BPTF: variants seen among roughly 807,000 people sequenced by gnomAD.
The protein encoded by BPTF is bromodomain PHD finger transcription factor, also known as nucleosome-remodeling factor subunit BPTF.
A neutral mutation model predicts 292.5 loss-of-function variants in BPTF; 18 were observed. The observed-to-expected ratio is 0.06, with a 90% CI of 0.04 to 0.09. BPTF has a LOEUF of 0.09. BPTF is among the 10% of genes least tolerant of loss of function. The pLI, the probability that BPTF is intolerant of heterozygous loss-of-function variation, is 1.00. For missense variants in BPTF, 2,726 were observed against 3,498.7 expected, an observed-to-expected ratio of 0.78 and a Z score of 5.57; for synonymous variants, 1,225 against 1,251.9, an observed-to-expected ratio of 0.98 and a Z score of 0.45.
intron 1 of BPTF, among the ~76,000 whole-genome samples, chr17:67,832,897 C>T (rs920097957): frequency 1.3e-5 from 2 of 149,186 alleles, no homozygotes; most frequent in African/African-American, 5.0e-5. Context: ...AAGCGATTCT[C>T]CTGCCTCAGC....
intron 18 of BPTF, among the ~76,000 whole-genome samples, chr17:67,939,836 C>T (rs566958531): frequency 2.6e-5 from 4 of 152,284 alleles, no homozygotes; most frequent in South Asian, 2.1e-4. Context: ...GCCAAGATCA[C>T]GCCACCGCAC....
At chr17:67,856,857 G>C (rs1044061076) in intron 2 of BPTF, among the ~76,000 whole-genome samples, 6 of 152,270 alleles carry the variant, frequency 3.9e-5, no homozygotes, top group Middle Eastern at 3.4e-3. Flanking sequence ...CGTGGTTTCT[G>C]CCAGTCCAGG....
intron 4 of BPTF, among the ~76,000 whole-genome samples, chr17:67,877,774 A>G (rs1031965649): frequency 3.3e-5 from 5 of 152,146 alleles, no homozygotes; most frequent in African/African-American, 1.2e-4. Flanking sequence ...GTGCACCACC[A>G]TGCCCAGCTT....
At chr17:67,869,059 C>T (rs1024146581) in intron 3 of BPTF, among the ~76,000 whole-genome samples, 5 of 150,884 alleles carry the variant, frequency 3.3e-5, no homozygotes, top group African/African-American at 1.2e-4. Context: ...GTCTTACTCT[C>T]CCCCCATATA....
At chr17:67,908,820 C>T (rs1023988471) in intron 9 of BPTF, among the ~76,000 whole-genome samples, 1 of 141,364 alleles carries the variant, frequency 7.1e-6, no homozygotes, top group Non-Finnish European at 1.5e-5. Flanking sequence ...TCAGTTGTCA[C>T]TGACAATTTT....
chr17:67,946,334 AT>A lies in BPTF; in HGVS notation c.7617+11del. On this transcript the variant is annotated intron_variant, in intron 21 of 27. Coordinates refer to ENST00000306378, the MANE Select transcript of BPTF (RefSeq NM_182641.4). ...AAATCATTCAGAAACAGGTAAAGTT[AT>A]TAAGTAAAAGCAGCATGTTCAGTAG... The A allele has an allele frequency of 6.2e-7, 1 of 1,611,964 alleles. No homozygotes were observed. Among genetic ancestry groups the A allele is most frequent in the East Asian group, 2.2e-5 (1 of 44,872 alleles).
chr17:67,845,207 C>G (rs2057944432), intron 1 of BPTF, among the ~76,000 whole-genome samples: 1 of 152,142 alleles, frequency 6.6e-6, no homozygotes, highest in African/African-American at 2.4e-5. Context: ...AGAATCATCC[C>G]TGTAAAGGTA....
chr17:67,930,132 A>G (rs1195216684), intron 17 of BPTF, among the ~76,000 whole-genome samples: 1 of 148,920 alleles, frequency 6.7e-6, no homozygotes, highest in Non-Finnish European at 1.5e-5. Context: ...AAAAAAAAAA[A>G]AATTAAAAAG....
chr17:67,960,985 A>T (rs1413131850), intron 24 of BPTF, among the ~76,000 whole-genome samples: 1 of 152,252 alleles, frequency 6.6e-6, no homozygotes, highest in Non-Finnish European at 1.5e-5. Context: ...TAATGTAAAC[A>T]GTAGAACGTG....
chr17:67,833,647 C>G (rs991920678), intron 1 of BPTF, among the ~76,000 whole-genome samples: 3 of 151,578 alleles, frequency 2.0e-5, no homozygotes, highest in African/African-American at 7.3e-5. Flanking sequence ...TGGCTCACTG[C>G]AACCTCTGCC....
At chr17:67,917,133 T>TGTCC (rs796889971) in intron 11 of BPTF, among the ~76,000 whole-genome samples, 2 of 123,170 alleles carry the variant, frequency 1.6e-5, no homozygotes, top group African/African-American at 5.8e-5. Context: ...GTATTGTCCT[T>TGTCC]TTTTTTTTTT....
In BPTF at chr17:67,879,800, G is replaced by T. The variant is rs574799393; in HGVS notation, c.1864+4780G>T. 2.6e-5 allele frequency among the ~76,000 whole-genome samples: 4 copies of T among 152,222 alleles called. No homozygotes were observed. In the South Asian group the frequency reaches 8.3e-4, roughly 32 times the overall value. ...CAGATGACAGGCTCTTTTTCTAACA[G>T]TCAGCTCTAGTGGGAACTAATAGTG... On this transcript the variant is annotated intron_variant, in intron 4 of 27. Coordinates refer to ENST00000306378, the MANE Select transcript of BPTF (RefSeq NM_182641.4).
intron 9 of BPTF, among the ~76,000 whole-genome samples, chr17:67,908,964 A>G (rs575896681): frequency 2.0e-5 from 3 of 150,186 alleles, no homozygotes; most frequent in East Asian, 4.0e-4. Context: ...CCTCCTGAGT[A>G]GCTGAGATCA....
intron 11 of BPTF, among the ~76,000 whole-genome samples, chr17:67,918,249 T>C (rs998241960): frequency 6.6e-6 from 1 of 152,230 alleles, no homozygotes; most frequent in African/African-American, 2.4e-5. Flanking sequence ...TTTTATTCTT[T>C]TAGAAAATTT....
chr17:67,838,621 T>C (rs2052187), intron 1 of BPTF, among the ~76,000 whole-genome samples: 50,957 of 151,998 alleles, frequency 0.34, 10,709 homozygotes, highest in East Asian at 0.66. Context: ...GGACTACAGG[T>C]GCTCGCTGCC....
intron 23 of BPTF, chr17:67,955,820 A>G (rs2066877550): frequency 6.6e-6 from 1 of 151,780 alleles, no homozygotes; most frequent in Non-Finnish European, 1.5e-5. Context: ...ATCTCGAAAC[A>G]AAAAACTGTA....
rs934471012 is a variant in BPTF, at chr17:67,891,088, T to C, written c.1865-756T>C. On this transcript the variant is annotated intron_variant, in intron 4 of 27. Coordinates refer to ENST00000306378, the MANE Select transcript of BPTF (RefSeq NM_182641.4). ...GTTCCAGCTACTTGGAAGGCTGAGA[T>C]GGGAGAATCACCTGAGCCTGGGGGT... 2.6e-5 allele frequency among the ~76,000 whole-genome samples: 4 copies of C among 152,076 alleles called. No individual in the cohort carries two copies. The South Asian group carries it at 8.3e-4, about 32-fold the overall frequency.
chr17:67,945,028 A>G (rs1427694307), intron 20 of BPTF, among the ~76,000 whole-genome samples: 1 of 151,986 alleles, frequency 6.6e-6, no homozygotes, highest in Non-Finnish European at 1.5e-5. Flanking sequence ...AAAATTCTCA[A>G]CTTTATTTAC....
intron 18 of BPTF, among the ~76,000 whole-genome samples, chr17:67,933,091 A>G (rs1017114079): frequency 2.0e-5 from 3 of 151,892 alleles, no homozygotes; most frequent in African/African-American, 7.3e-5. Flanking sequence ...TATCTCTACT[A>G]AAAATACAAA....
Sources: gnomAD v4.1 joint callset for allele counts (sites outside exome capture counted in the v4.1 genomes callset) on GRCh38, gnomAD v4.1.1 for gene constraint, MANE v1.5 for transcripts, NCBI Gene and HGNC (gene_info 2026-07-23, HGNC 2026-07-21) for gene names.